Variants in VAT1L observed in about 807,000 individuals in gnomAD.
VAT1L encodes vesicle amine transport 1 like, also known as putative NADPH-dependent quinone oxidoreductase VAT1L.
A neutral mutation model predicts 44.1 loss-of-function variants in VAT1L; 34 were observed. The ratio of observed to expected loss-of-function variants is 0.77; its 90% CI spans 0.59 to 1.03. VAT1L has a LOEUF of 1.03. Among genes scored for constraint, VAT1L ranks in the 50% least tolerant of loss-of-function variants. The probability of loss-of-function intolerance (pLI) is 0.00; values close to 1 mark genes in which losing one functional copy is unlikely to be tolerated. For missense variants in VAT1L, 615 were observed against 538.8 expected, an observed-to-expected ratio of 1.14 and a Z score of -1.40; for synonymous variants, 253 against 202.2, an observed-to-expected ratio of 1.25 and a Z score of -2.13.
At chr16:77,902,568 G>C (rs1194887685) in intron 7 of VAT1L, among the ~76,000 whole-genome samples, 3 of 151,864 alleles carry the variant, frequency 2.0e-5, no homozygotes, top group Non-Finnish European at 4.4e-5. Context: ...ATTATATTTG[G>C]TAAAACAATG....
chr16:77,928,201 G>C (rs938027842), intron 7 of VAT1L, among the ~76,000 whole-genome samples: 1 of 152,126 alleles, frequency 6.6e-6, no homozygotes, highest in African/African-American at 2.4e-5. Context: ...CCTGGCTCTG[G>C]TTCATTTGTG....
At position 77,979,955 on chromosome 16, in the gene VAT1L, G is replaced by A. The variant is rs1031513825; in HGVS notation, c.*2260G>A. On this transcript the variant is annotated 3_prime_UTR_variant, in exon 9 of 9. Coordinates refer to ENST00000302536, the MANE Select transcript of VAT1L (RefSeq NM_020927.3). ...TGTCTCAGTCTGCCTTAAAGGAACT[G>A]TGAAGGCTTCTCTGTAATTTAAGCT... The A allele has an allele frequency of 6.6e-6, 1 of 152,648 alleles. No individual in the cohort carries two copies. 9.5% of individuals were successfully genotyped at this position (152,648 alleles called of 1,614,324 possible).
chr16:77,886,068 T>C (rs2017206192), intron 7 of VAT1L, among the ~76,000 whole-genome samples: 1 of 152,210 alleles, frequency 6.6e-6, no homozygotes, highest in African/African-American at 2.4e-5. Flanking sequence ...CAAGTCCACA[T>C]TCCAGAGAAG....
At chr16:77,970,826 C>T (rs2018271046) in intron 7 of VAT1L, among the ~76,000 whole-genome samples, 1 of 152,182 alleles carries the variant, frequency 6.6e-6, no homozygotes, top group Non-Finnish European at 1.5e-5. Flanking sequence ...CAAGCAAATA[C>T]TGCTCTATCA....
chr16:77,948,154 G>A (rs2017993608), intron 7 of VAT1L, among the ~76,000 whole-genome samples: 1 of 152,152 alleles, frequency 6.6e-6, no homozygotes, highest in Non-Finnish European at 1.5e-5. Context: ...TCATAGCTAG[G>A]ATATAGCTCC....
At chr16:77,974,843 A>G (rs1242560381) in intron 8 of VAT1L, among the ~76,000 whole-genome samples, 1 of 152,100 alleles carries the variant, frequency 6.6e-6, no homozygotes, top group African/African-American at 2.4e-5. Context: ...AGCTGGGATT[A>G]TAGACATGAG....
chr16:77,961,686 C>G (rs990045700), intron 7 of VAT1L, among the ~76,000 whole-genome samples: 1 of 152,156 alleles, frequency 6.6e-6, no homozygotes, highest in African/African-American at 2.4e-5. Flanking sequence ...CAGCCAGGAT[C>G]TCAAACACAA....
At chr16:77,870,085 T>C (rs752895978) in intron 4 of VAT1L, among the ~76,000 whole-genome samples, 31 of 152,300 alleles carry the variant, frequency 2.0e-4, no homozygotes, top group Admixed American at 1.0e-3. Context: ...GAACTACTAA[T>C]AGTAAACACT....
intron 7 of VAT1L, among the ~76,000 whole-genome samples, chr16:77,948,888 C>G (rs1014774913): frequency 6.6e-6 from 1 of 152,100 alleles, no homozygotes; most frequent in African/African-American, 2.4e-5. Flanking sequence ...AGTGAAGGGA[C>G]TATTCCATGG....
At chr16:77,877,124 A>G (rs1299598928) in intron 5 of VAT1L, among the ~76,000 whole-genome samples, 1 of 152,168 alleles carries the variant, frequency 6.6e-6, no homozygotes, top group African/African-American at 2.4e-5. Context: ...AACAACTGGA[A>G]GAAGATTTTC....
rs1285362049 is a variant in VAT1L, at chr16:77,884,387, C to T, written c.883-221C>T. 6.6e-6 allele frequency among the ~76,000 whole-genome samples: 1 copy of T among 152,052 alleles called. No individual in the cohort carries two copies. Among genetic ancestry groups the T allele is most frequent in the Non-Finnish European group, 1.5e-5 (1 of 68,012 alleles). On this transcript the variant is annotated intron_variant, in intron 6 of 8. Transcript: ENST00000302536. This position sits in a 1 kb window ranked among gnomAD's most constrained non-coding sequence, Gnocchi z 4.5. ...GCAGTAAGCTGAGATCATGCCACTG[C>T]ACTCCAGCCTGGGCTACAGAGTGAG...
chr16:77,788,960 G>A, intron 1 of VAT1L, 45 bp downstream of exon 1: 1 of 1,436,290 alleles, frequency 7.0e-7, no homozygotes, highest in East Asian at 2.6e-5. Flanking sequence ...TTTGCGCGCT[G>A]GGCGCTGGGG....
At chr16:77,844,554 G>A (rs61527565) in intron 3 of VAT1L, among the ~76,000 whole-genome samples, 35,632 of 151,996 alleles carry the variant, frequency 0.23, 5,313 homozygotes, top group East Asian at 0.47. Context: ...GACTACAGGT[G>A]CCCACCACCA....
chr16:77,959,248 G>A (rs1297906569), intron 7 of VAT1L, among the ~76,000 whole-genome samples: 2 of 152,158 alleles, frequency 1.3e-5, no homozygotes, highest in Non-Finnish European at 2.9e-5. Context: ...CATGGTTCCT[G>A]ACATTCTACT....
intron 5 of VAT1L, 65 bp downstream of exon 5, chr16:77,876,538 G>T (rs1212934973): frequency 6.9e-7 from 1 of 1,458,332 alleles, no homozygotes; most frequent in East Asian, 2.3e-5. Flanking sequence ...TGCCTGCAAA[G>T]GCTCTGAAAA....
At chr16:77,859,199 C>T (rs1326742070) in intron 3 of VAT1L, among the ~76,000 whole-genome samples, 1 of 151,510 alleles carries the variant, frequency 6.6e-6, no homozygotes, top group African/African-American at 2.4e-5. Flanking sequence ...ACTGGGGAGG[C>T]TGACGCAGGA....
intron 7 of VAT1L, among the ~76,000 whole-genome samples, chr16:77,923,954 C>T (rs961366000): frequency 6.6e-6 from 1 of 152,046 alleles, no homozygotes; most frequent in Non-Finnish European, 1.5e-5. Context: ...TGCCTTCCCC[C>T]CCTCCCTTCC....
chr16:77,915,824 G>A (rs1354675811), intron 7 of VAT1L, among the ~76,000 whole-genome samples: 1 of 152,168 alleles, frequency 6.6e-6, no homozygotes, highest in Non-Finnish European at 1.5e-5. Flanking sequence ...TGTGTATTTG[G>A]GACCCCAGAA....
At chr16:77,937,356 C>T (rs542205607) in intron 7 of VAT1L, among the ~76,000 whole-genome samples, 57 of 152,292 alleles carry the variant, frequency 3.7e-4, no homozygotes, top group Admixed American at 9.1e-4. Context: ...GCCGCCGTTG[C>T]CCACTGCTTC....
Sources: gnomAD v4.1 joint callset for allele counts (sites outside exome capture counted in the v4.1 genomes callset) on GRCh38, gnomAD v4.1.1 for gene constraint, Gnocchi (gnomAD v3.1) non-coding constraint, MANE v1.5 for transcripts, NCBI Gene and HGNC (gene_info 2026-07-23, HGNC 2026-07-21) for gene names.